The following TREM2 variants were observed in gnomAD, a reference collection of about 807,000 sequenced individuals.
The protein encoded by TREM2 is triggering receptor expressed on myeloid cells 2, also known as triggering receptor expressed on monocytes 2.
A neutral mutation model predicts 22.9 loss-of-function variants in TREM2; 20 were observed. That is an observed-to-expected ratio of 0.87 (90% CI 0.61 to 1.27). TREM2 has a LOEUF of 1.27. TREM2 is among the 50% of genes most tolerant of loss of function. TREM2 has a pLI of 0.00. For synonymous variants in TREM2, 111 were observed against 120.9 expected, an observed-to-expected ratio of 0.92 and a Z score of 0.54; for missense variants, 267 against 289.0, an observed-to-expected ratio of 0.92 and a Z score of 0.55.
At chr6:41,160,006 C>T in intron 2 of TREM2, 124 bp from the exon 3 acceptor site, 1 of 722,378 alleles carries the variant, frequency 1.4e-6, no homozygotes, top group Non-Finnish European at 2.5e-6. Flanking sequence ...TGGATCAGGT[C>T]ATTACACTCC....
chr6:41,158,965 G>A lies in TREM2; in HGVS notation c.584C>T (p.Ala195Val), dbSNP rs773918521. ...IKILAASALW[A>V]AAWHGQKPGT... The stretch of plus-strand genomic sequence containing the variant: ...TGGCTTCTGTCCATGCCAGGCTGCA[G>A]CCCAGAGGGCGCTGGCTGCTAGAAT... Residue 195 changes from alanine to valine, a missense_variant, in exon 4 of 5, where the codon GCT (alanine) becomes GTT (valine). By Grantham distance (64) the Ala-to-Val change is moderately conservative (BLOSUM62 0). Transcript: ENST00000373113. The A allele has an allele frequency of 6.2e-7, 1 of 1,614,108 alleles. No homozygotes were observed. The highest frequency in any genetic ancestry group is 1.3e-5 in the African/African-American group (1 of 74,942).
At chr6:41,162,727 A>G (rs1036028408) in intron 1 of TREM2, among the ~76,000 whole-genome samples, 18 of 151,972 alleles carry the variant, frequency 1.2e-4, no homozygotes, top group Non-Finnish European at 1.3e-4. Flanking sequence ...GTGCCCCCCA[A>G]AGCTTCCCCC....
rs1368929238 is a variant in TREM2, at chr6:41,162,896, G to A, written c.40+147C>T. On this transcript the variant is annotated intron_variant, in intron 1 of 4. Transcript: ENST00000373113. ...GGGTGTGAAGAATATGGGCAGGGTG[G>A]GGAGGAGAGGAGTGCAGAACAGGGC... The A allele has an allele frequency of 5.1e-6, 5 of 980,744 alleles. No homozygotes were observed. In the East Asian group the frequency reaches 1.0e-4, roughly 20 times the overall value. 60.8% of individuals were successfully genotyped at this position (980,744 alleles called of 1,614,324 possible).
At position 41,158,614 on chromosome 6, in the gene TREM2, C is replaced by T. The variant is rs924875210; in HGVS notation, c.*150G>A. 6.4e-7 allele frequency: 1 copy of T among 1,572,906 alleles called. No homozygotes were observed. On this transcript the variant is annotated 3_prime_UTR_variant, in exon 5 of 5. Transcript: ENST00000373113. Reference sequence around the variant, plus strand: ...ACCTCCCCACTCCCTCAACCAGTCCCTGCTTCCAGGGTCCAGGAGAAGCAG... The same window carrying T: ...ACCTCCCCACTCCCTCAACCAGTCCTTGCTTCCAGGGTCCAGGAGAAGCAG...
At chr6:41,159,193 G>T (rs758600138) in intron 3 of TREM2, 127 bp from the exon 4 acceptor site, 12 of 1,210,192 alleles carry the variant, frequency 9.9e-6, no homozygotes, top group Non-Finnish European at 1.4e-5. Flanking sequence ...CCATCCCTGG[G>T]ATGGGCCTTT....
At chr6:41,159,763 C>T (rs749132016) in intron 3 of TREM2, 29 bp downstream of exon 3, 34 of 1,607,150 alleles carry the variant, frequency 2.1e-5, no homozygotes, top group Middle Eastern at 1.6e-4. Context: ...AGTCTGCCCA[C>T]GGGTTTTAGG....
intron 2 of TREM2, among the ~76,000 whole-genome samples, chr6:41,160,324 G>A (rs1765530089): frequency 6.6e-6 from 1 of 152,132 alleles, no homozygotes; most frequent in Non-Finnish European, 1.5e-5. Flanking sequence ...GGAAAGTGGT[G>A]GAGGTGGGGT....
Position 41,158,617 on chromosome 6 carries a change from C to T in TREM2, c.*147G>A. 1 of 1,575,500 alleles carries T rather than the reference C, an allele frequency of 6.3e-7. No individual in the cohort carries two copies. The highest frequency in any genetic ancestry group is 8.6e-7 in the Non-Finnish European group (1 of 1,159,604). On this transcript the variant is annotated 3_prime_UTR_variant, in exon 5 of 5. Coordinates refer to ENST00000373113, the MANE Select transcript of TREM2 (RefSeq NM_018965.4). The stretch of plus-strand genomic sequence containing the variant: ...TCCCCACTCCCTCAACCAGTCCCTG[C>T]TTCCAGGGTCCAGGAGAAGCAGTGT...
chr6:41,158,894 A>G lies in TREM2; in HGVS notation c.655T>C (p.Tyr219His). Residue 219 changes from tyrosine to histidine, a missense_variant, in exon 4 of 5, where the codon TAT becomes CAT. Transcript: ENST00000373113. ...SELDCGHDPG[Y>H]QLQTLPGLRD... ...CCACCTGGCAGAGTTTGGAGCTGAT[A>G]CCCTGGGTCATGGCCACAGTCCAGT... 1 of 1,614,136 alleles carries G rather than the reference A, an allele frequency of 6.2e-7. No individual in the cohort carries two copies. The highest frequency in any genetic ancestry group is 8.5e-7 in the Non-Finnish European group (1 of 1,180,042).
At chr6:41,159,681 A>G (rs2113877982) in intron 3 of TREM2, 111 bp downstream of exon 3, 11 of 909,774 alleles carry the variant, frequency 1.2e-5, no homozygotes, top group Non-Finnish European at 2.0e-5. Context: ...AGGGCCCTTC[A>G]GGCTCTAGTT....
rs28479469 is a variant in TREM2, at chr6:41,158,871, A to C, written c.676+2T>G. The C allele has an allele frequency of 6.2e-7, 1 of 1,614,126 alleles. No homozygotes were observed. Among genetic ancestry groups the C allele is most frequent in the South Asian group, 1.1e-5 (1 of 91,084 alleles). ...CTTGATGGCTGTGCTCTCCAAGCCC[A>C]CCTGGCAGAGTTTGGAGCTGATACC... On this transcript the variant is annotated splice_donor_variant, in intron 4 of 4. Coordinates refer to ENST00000373113, the MANE Select transcript of TREM2 (RefSeq NM_018965.4). LOFTEE classifies it high-confidence loss of function.
Position 41,163,039 on chromosome 6 carries a change from C to G in TREM2, c.40+4G>C, listed in dbSNP as rs371994835. On this transcript the variant is annotated splice_donor_region_variant and intron_variant, in intron 1 of 4. Transcript: ENST00000373113. The stretch of plus-strand genomic sequence containing the variant: ...GGCATCACAGGGCACGGAGGGGATC[C>G]TACCTGTGACAAAGAGTAAGATGAG... 1 of 1,614,064 alleles carries G rather than the reference C, an allele frequency of 6.2e-7. No homozygotes were observed. Among genetic ancestry groups the G allele is most frequent in the African/African-American group, 1.3e-5 (1 of 75,026 alleles).
chr6:41,159,224 A>C lies in TREM2; in HGVS notation c.483-158T>G, dbSNP rs1050913821. The C allele has an allele frequency of 1.2e-4, 102 of 854,078 alleles. No individual in the cohort carries two copies. The African/African-American group carries it at 1.6e-3, about 13-fold the overall frequency. The allele number at this position is 854,078 out of a possible 1,614,324, so 52.9% of individuals were successfully genotyped here. A position where few individuals can be genotyped will look rare whatever the true frequency, so the allele number is the denominator to read the frequency against. ...CCTTTTTGGAGCTTTGGGAGCCCATAGTCAAGAGACTTGAGTTCTAGGCAT... is the reference window on the plus strand; with the variant it reads ...CCTTTTTGGAGCTTTGGGAGCCCATCGTCAAGAGACTTGAGTTCTAGGCAT... On this transcript the variant is annotated intron_variant, in intron 3 of 4. Transcript: ENST00000373113.
At position 41,163,027 on chromosome 6, in the gene TREM2, A is replaced by G; in HGVS notation, c.40+16T>C. The stretch of plus-strand genomic sequence containing the variant: ...TGAGGGAGAGAAGGCATCACAGGGC[A>G]CGGAGGGGATCCTACCTGTGACAAA... On this transcript the variant is annotated intron_variant, in intron 1 of 4. Transcript: ENST00000373113. The G allele has an allele frequency of 6.2e-7, 1 of 1,614,138 alleles. No individual in the cohort carries two copies. The highest frequency in any genetic ancestry group is 1.1e-5 in the South Asian group (1 of 91,084).
At chr6:41,160,444 G>T (rs1446519426) in intron 2 of TREM2, among the ~76,000 whole-genome samples, 2 of 152,100 alleles carry the variant, frequency 1.3e-5, no homozygotes, top group Non-Finnish European at 2.9e-5. Flanking sequence ...TTGGAAAGGA[G>T]GAGAGTCAGA....
chr6:41,159,146 C>A (rs752061718), intron 3 of TREM2, 80 bp from the exon 4 acceptor site: 3 of 1,531,440 alleles, frequency 2.0e-6, no homozygotes. Context: ...GGGGAGAAAC[C>A]AGGAGCTTCT....
Position 41,163,036 on chromosome 6 carries a change from A to ATCC in TREM2, c.40+4_40+6dup. 6.2e-7 allele frequency: 1 copy of ATCC among 1,614,090 alleles called. No individual in the cohort carries two copies. On this transcript the variant is annotated splice_region_variant and intron_variant, in intron 1 of 4. Transcript: ENST00000373113. ...GAAGGCATCACAGGGCACGGAGGGG[A>ATCC]TCCTACCTGTGACAAAGAGTAAGAT... is the stretch of plus-strand genomic sequence containing the variant.
In TREM2 at chr6:41,159,315, T is replaced by C. The variant is rs537007231; in HGVS notation, c.483-249A>G. 5.3e-5 allele frequency among the ~76,000 whole-genome samples: 8 copies of C among 152,302 alleles called. No individual in the cohort carries two copies. The East Asian group carries it at 1.5e-3, about 29-fold the overall frequency. ...CTTCCCTCACTGAGCAGTTTTCTTCTGTATACAGTGCTATGCCATGGGTGT... is the reference window on the plus strand; with the variant it reads ...CTTCCCTCACTGAGCAGTTTTCTTCCGTATACAGTGCTATGCCATGGGTGT... On this transcript the variant is annotated intron_variant, in intron 3 of 4. Coordinates refer to ENST00000373113, the MANE Select transcript of TREM2 (RefSeq NM_018965.4).
In TREM2 at chr6:41,161,656, G is replaced by A. The variant is rs2234251; in HGVS notation, c.41-43C>T. 4.1e-3 allele frequency: 6,209 copies of A among 1,521,028 alleles called. 176 individuals carry two copies. In the African/African-American group the frequency reaches 0.066, roughly 16 times the overall value. The allele number at this position is 1,521,028 out of a possible 1,614,324, so 94.2% of individuals were successfully genotyped here. A position where few individuals can be genotyped will look rare whatever the true frequency, so the allele number is the denominator to read the frequency against. On this transcript the variant is annotated intron_variant, in intron 1 of 4. Transcript: ENST00000373113. The stretch of plus-strand genomic sequence containing the variant: ...ATTCACTCCTTTGTTTACCAAATAC[G>A]CTTTGAACACTTGCTCTGTGCAGTG...
Sources: allele counts gnomAD v4.1 joint callset (sites outside exome capture counted in the v4.1 genomes callset), GRCh38; gene constraint gnomAD v4.1.1; transcripts MANE v1.5; gene names NCBI Gene and HGNC (gene_info 2026-07-23, HGNC 2026-07-21).